Variants in PPP3R1 observed in about 807,000 individuals in gnomAD.
PPP3R1 encodes the protein calcineurin subunit B type 1.
A neutral mutation model predicts 22.6 loss-of-function variants in PPP3R1; 5 were observed. The ratio of observed to expected loss-of-function variants is 0.22; its 90% CI spans 0.12 to 0.46. PPP3R1 has a LOEUF of 0.46. PPP3R1 is among the 20% of genes least tolerant of loss of function. The pLI is 0.99. For missense variants in PPP3R1, 61 were observed against 203.2 expected, an observed-to-expected ratio of 0.30 and a Z score of 4.25; for synonymous variants, 56 against 65.2, an observed-to-expected ratio of 0.86 and a Z score of 0.68.
intron 2 of PPP3R1, among the ~76,000 whole-genome samples, chr2:68,202,281 C>T (rs931542386): frequency 2.6e-5 from 4 of 152,180 alleles, no homozygotes; most frequent in African/African-American, 7.2e-5. Context: ...TGCTAGATAA[C>T]GAGATTACTA....
chr2:68,233,839 T>C (rs1669964877), intron 1 of PPP3R1, among the ~76,000 whole-genome samples: 1 of 152,170 alleles, frequency 6.6e-6, no homozygotes, highest in Non-Finnish European at 1.5e-5. Flanking sequence ...ATTTTTTTTG[T>C]AGGTAGAAAC....
chr2:68,198,305 GTATACATA>G (rs781405579), intron 2 of PPP3R1, among the ~76,000 whole-genome samples: 10 of 142,074 alleles, frequency 7.0e-5, no homozygotes, highest in Non-Finnish European at 1.4e-4. Flanking sequence ...ATGTATACAT[GTATACATA>G]TATGTATATA....
intron 2 of PPP3R1, among the ~76,000 whole-genome samples, chr2:68,190,980 C>T (rs1355576728): frequency 6.6e-6 from 1 of 152,206 alleles, no homozygotes; most frequent in Non-Finnish European, 1.5e-5. Flanking sequence ...TGTTAATACT[C>T]TGTTACAAAC....
chr2:68,202,791 AATTTTT>A (rs1675011523), intron 2 of PPP3R1, among the ~76,000 whole-genome samples: 3 of 93,552 alleles, frequency 3.2e-5, no homozygotes, highest in South Asian at 6.3e-4. Flanking sequence ...GAGTTCAGGG[AATTTTT>A]TTTTTTTTTT....
At chr2:68,198,194 TTACATATATGTGCA>T in intron 2 of PPP3R1, among the ~76,000 whole-genome samples, 1 of 145,174 alleles carries the variant, frequency 6.9e-6, no homozygotes, top group East Asian at 2.0e-4. Flanking sequence ...TAATATATAT[TTACATATATGTGCA>T]TACATATATA....
At chr2:68,227,347 T>C (rs576028956) in intron 1 of PPP3R1, among the ~76,000 whole-genome samples, 5 of 152,210 alleles carry the variant, frequency 3.3e-5, no homozygotes, top group African/African-American at 7.2e-5. Flanking sequence ...TGCTGAAAGC[T>C]TGATGACTGC....
At chr2:68,205,476 T>A (rs1675099953) in intron 2 of PPP3R1, among the ~76,000 whole-genome samples, 1 of 152,068 alleles carries the variant, frequency 6.6e-6, no homozygotes, top group Admixed American at 6.6e-5. Context: ...ACTCAGGTGA[T>A]CCACCCACCT....
chr2:68,196,328 A>G (rs1369266841), intron 2 of PPP3R1, among the ~76,000 whole-genome samples: 1 of 152,206 alleles, frequency 6.6e-6, no homozygotes, highest in East Asian at 1.9e-4. Flanking sequence ...CAGGGGGCGC[A>G]GCAGATAAAA....
intron 5 of PPP3R1, among the ~76,000 whole-genome samples, chr2:68,185,509 TTA>T (rs375732081): frequency 1.5e-4 from 22 of 146,146 alleles, no homozygotes; most frequent in East Asian, 2.0e-4. Flanking sequence ...TACATTTTAT[TTA>T]TATATATATA....
Position 68,187,242 on chromosome 2 carries a change from G to C in PPP3R1, c.280+13C>G, listed in dbSNP as rs374029200. 208 of 1,594,180 alleles carry C rather than the reference G, an allele frequency of 1.3e-4. No individual in the cohort carries two copies. Among genetic ancestry groups the C allele is most frequent in the Non-Finnish European group, 1.8e-4 (205 of 1,165,278 alleles). On this transcript the variant is annotated intron_variant, in intron 4 of 5. Transcript: ENST00000234310. ...AGTATAAGAGAATGAAGTCAGTGAAGAAAAATACTTACACCTCAATTTCTG... is the reference window on the plus strand; with the variant it reads ...AGTATAAGAGAATGAAGTCAGTGAACAAAAATACTTACACCTCAATTTCTG...
At chr2:68,227,540 A>G (rs575802958) in intron 1 of PPP3R1, among the ~76,000 whole-genome samples, 1 of 151,910 alleles carries the variant, frequency 6.6e-6, no homozygotes, top group South Asian at 2.1e-4. Context: ...AACCAATCAT[A>G]CCTATGACAG....
intron 1 of PPP3R1, 45 bp downstream of exon 1, chr2:68,252,080 G>T: frequency 7.2e-7 from 1 of 1,389,526 alleles, no homozygotes. Flanking sequence ...CCCGGACGGC[G>T]GCAGTAGGGG....
chr2:68,195,445 T>C (rs1674748228), intron 2 of PPP3R1, among the ~76,000 whole-genome samples: 5 of 152,234 alleles, frequency 3.3e-5, no homozygotes, highest in Admixed American at 2.6e-4. Context: ...TTGGCCAAGG[T>C]GGTGGCTGCC....
chr2:68,216,981 G>T, intron 2 of PPP3R1, 111 bp downstream of exon 2: 1 of 750,922 alleles, frequency 1.3e-6, no homozygotes, highest in Non-Finnish European at 2.1e-6. Flanking sequence ...TTGCTACAAA[G>T]GTAAGTAAAT....
intron 5 of PPP3R1, among the ~76,000 whole-genome samples, chr2:68,182,330 C>T (rs1674431100): frequency 6.6e-6 from 1 of 152,052 alleles, no homozygotes; most frequent in African/African-American, 2.4e-5. Flanking sequence ...CAGTTTGTCA[C>T]CCTGCCCTCA....
intron 2 of PPP3R1, among the ~76,000 whole-genome samples, chr2:68,199,114 C>T (rs1674902043): frequency 6.6e-6 from 1 of 152,134 alleles, no homozygotes; most frequent in Non-Finnish European, 1.5e-5. Flanking sequence ...CAGGCAAGTG[C>T]CACCATGCCC....
At position 68,252,477 on chromosome 2, in the gene PPP3R1, C is replaced by G. The variant is rs1670391737; in HGVS notation, c.-350G>C. 1 of 986,202 alleles carries G rather than the reference C, an allele frequency of 1.0e-6. No individual in the cohort carries two copies. The highest frequency in any genetic ancestry group is 6.2e-5 in the Admixed American group (1 of 16,150). 61.1% of individuals were successfully genotyped at this position (986,202 alleles called of 1,614,324 possible). ...GGGGGCTGCAGCCTCGCGCTCGCGC[C>G]GGAGCCGTGACGGACTCACTGCAGC... On this transcript the variant is annotated 5_prime_UTR_variant, in exon 1 of 6. Transcript: ENST00000234310.
intron 2 of PPP3R1, among the ~76,000 whole-genome samples, chr2:68,209,385 A>C (rs944610795): frequency 6.9e-5 from 10 of 145,396 alleles, no homozygotes; most frequent in Non-Finnish European, 1.4e-4. Context: ...AAAAAAAAAA[A>C]AAAAAACTGT....
At chr2:68,188,901 T>C (rs1473867853) in intron 2 of PPP3R1, among the ~76,000 whole-genome samples, 1 of 152,172 alleles carries the variant, frequency 6.6e-6, no homozygotes, top group Non-Finnish European at 1.5e-5. Context: ...ACAGCATAAA[T>C]ACTTGTATTT....
Sources: gnomAD v4.1 joint callset for allele counts (sites outside exome capture counted in the v4.1 genomes callset) on GRCh38, gnomAD v4.1.1 for gene constraint, MANE v1.5 for transcripts, NCBI Gene and HGNC (gene_info 2026-07-23, HGNC 2026-07-21) for gene names.